The following USH2A variants were observed in gnomAD, a reference collection of about 807,000 sequenced individuals.
USH2A encodes usherin, also known as Usher syndrome 2A (autosomal recessive, mild).
A neutral mutation model predicts 538.9 loss-of-function variants in USH2A; 443 were observed. That is an observed-to-expected ratio of 0.82 (90% CI 0.76 to 0.89). USH2A has a LOEUF of 0.89. USH2A is among the 40% of genes least tolerant of loss of function. USH2A has a pLI of 0.00. For missense variants in USH2A, 6,633 were observed against 6,324.8 expected (o/e 1.05, Z -1.65); for synonymous variants, 2,413 against 2,273.5 (o/e 1.06, Z -1.75).
intron 12 of USH2A, among the ~76,000 whole-genome samples, chr1:216,249,172 A>G (rs919009243): frequency 6.6e-6 from 1 of 152,072 alleles, no homozygotes; most frequent in Non-Finnish European, 1.5e-5. Flanking sequence ...GTTTTTATAA[A>G]AAGTACTACA....
At chr1:216,012,836 G>T (rs893002338) in intron 32 of USH2A, among the ~76,000 whole-genome samples, 4 of 152,134 alleles carry the variant, frequency 2.6e-5, no homozygotes, top group African/African-American at 9.6e-5. Context: ...CTTTTTATTA[G>T]GCCCCAGTCT....
chr1:215,773,484 G>GTCTCTGTC (rs1661351824), intron 55 of USH2A, among the ~76,000 whole-genome samples: 1 of 112,222 alleles, frequency 8.9e-6, no homozygotes, highest in African/African-American at 4.5e-5. Context: ...ATGTCTCTCT[G>GTCTCTGTC]TCTCTCTGTC....
At chr1:216,027,519 G>A (rs991988548) in intron 32 of USH2A, among the ~76,000 whole-genome samples, 4 of 152,078 alleles carry the variant, frequency 2.6e-5, no homozygotes, top group Non-Finnish European at 4.4e-5. Context: ...TTTCAGGTCC[G>A]TAGTTAATTA....
chr1:215,794,732 C>T lies in USH2A; in HGVS notation c.9958+4175G>A, dbSNP rs59434539. Reference sequence around the variant, plus strand: ...AGAAACTCTAGAGCTTATCTTGATTCGCAAGAGTTGAGGGCTGTCACCATT... The same window carrying T: ...AGAAACTCTAGAGCTTATCTTGATTTGCAAGAGTTGAGGGCTGTCACCATT... On this transcript the variant is annotated intron_variant, in intron 50 of 71. Transcript: ENST00000307340. 0.03 allele frequency among the ~76,000 whole-genome samples: 4,495 copies of T among 152,154 alleles called. 228 individuals are homozygous for T. Among genetic ancestry groups the T allele is most frequent in the African/African-American group, 0.1 (4,250 of 41,482 alleles).
chr1:215,691,183 G>C (rs138259243), intron 61 of USH2A, among the ~76,000 whole-genome samples: 2 of 149,530 alleles, frequency 1.3e-5, no homozygotes, highest in African/African-American at 4.8e-5. Flanking sequence ...TGCCCAGCCA[G>C]TTAGCCTATT....
chr1:215,974,867 C>T (rs1667585427), intron 35 of USH2A, among the ~76,000 whole-genome samples: 1 of 152,090 alleles, frequency 6.6e-6, no homozygotes, highest in African/African-American at 2.4e-5. Flanking sequence ...TAATGGGTTG[C>T]TGGGTCAAAT....
In USH2A at chr1:215,934,745, C is replaced by T. The variant is rs1238777269; in HGVS notation, c.7171G>A (p.Glu2391Lys). 1 of 1,612,680 alleles carries T rather than the reference C, an allele frequency of 6.2e-7. No individual in the cohort carries two copies. Among genetic ancestry groups the T allele is most frequent in the African/African-American group, 1.3e-5 (1 of 74,836 alleles). ...ATGAGCACCCAAAGGTTTGTCTCTT[C>T]TCCGCTGTACATGACTTTTGTGACA... is the stretch of plus-strand genomic sequence containing the variant. Reference protein sequence around the residue: ...LNVTKVMYSGEETNLWVLIDG... With the variant: ...LNVTKVMYSGKETNLWVLIDG... The change falls in exon 38 of 72, where the codon GAA (glutamate) becomes AAA (lysine). Residue 2391 changes from glutamate (E) to lysine (K), a missense_variant. By Grantham distance (56) the Glu-to-Lys change is moderately conservative. Coordinates refer to ENST00000307340, the MANE Select transcript of USH2A (RefSeq NM_206933.4).
chr1:216,314,124 ATAT>A (rs1383599109), intron 9 of USH2A, among the ~76,000 whole-genome samples: 2 of 152,024 alleles, frequency 1.3e-5, no homozygotes, highest in Non-Finnish European at 2.9e-5. Context: ...ATCCCTTCAA[ATAT>A]TATCTTTTCT....
chr1:215,873,557 T>C (rs2102446580), intron 43 of USH2A, among the ~76,000 whole-genome samples: 1 of 152,306 alleles, frequency 6.6e-6, no homozygotes, highest in East Asian at 1.9e-4. Flanking sequence ...AGAAATGGCA[T>C]CCTCTTTTAG....
chr1:215,961,499 G>A (rs996092025), intron 37 of USH2A, among the ~76,000 whole-genome samples: 3 of 151,292 alleles, frequency 2.0e-5, no homozygotes, highest in African/African-American at 7.3e-5. Context: ...TATAAAAACA[G>A]CATCAGGACT....
At chr1:216,360,329 C>T (rs1286283348) in intron 4 of USH2A, among the ~76,000 whole-genome samples, 1 of 151,806 alleles carries the variant, frequency 6.6e-6, no homozygotes, top group African/African-American at 2.4e-5. Context: ...TTTTTTATCC[C>T]AACTATATGA....
chr1:215,895,317 G>T (rs779337031), intron 40 of USH2A, among the ~76,000 whole-genome samples: 1 of 152,154 alleles, frequency 6.6e-6, no homozygotes, highest in South Asian at 2.1e-4. Flanking sequence ...AGTTGAGACA[G>T]ATCCCTAGGT....
chr1:216,304,714 C>T (rs1429161836), intron 9 of USH2A, among the ~76,000 whole-genome samples: 1 of 151,958 alleles, frequency 6.6e-6, no homozygotes, highest in Non-Finnish European at 1.5e-5. Context: ...GGTTGTGTCA[C>T]TATATCAAAC....
rs768532540 is a variant in USH2A, at chr1:216,327,573, A to G, written c.848+18T>C. The G allele has an allele frequency of 1.9e-6, 3 of 1,612,908 alleles. No homozygotes were observed. The highest frequency in any genetic ancestry group is 1.7e-4 in the Middle Eastern group (1 of 6,048). ...TATCCTTTCGGTTCTTGAGGTTTAC[A>G]ATGCAACATCTGCTTACCTGTTTGT... On this transcript the variant is annotated intron_variant, in intron 5 of 71. Transcript: ENST00000307340.
intron 26 of USH2A, chr1:216,079,001 A>C (rs1320091040): frequency 6.6e-6 from 1 of 152,132 alleles, no homozygotes; most frequent in South Asian, 2.1e-4. Context: ...CATAGTAAAA[A>C]ATAAGTTCAT....
At chr1:215,689,941 C>CT (rs1317863660) in intron 61 of USH2A, among the ~76,000 whole-genome samples, 1 of 152,154 alleles carries the variant, frequency 6.6e-6, no homozygotes, top group African/African-American at 2.4e-5. Context: ...TTTTAAGCTA[C>CT]TAAGTTTGTT....
intron 44 of USH2A, among the ~76,000 whole-genome samples, chr1:215,854,514 C>T (rs1211803833): frequency 1.3e-5 from 2 of 152,176 alleles, no homozygotes; most frequent in Non-Finnish European, 2.9e-5. Flanking sequence ...TTCATCATCT[C>T]ATGCCAGGGA....
At chr1:215,670,246 C>T (rs1010335128) in intron 64 of USH2A, among the ~76,000 whole-genome samples, 11 of 152,232 alleles carry the variant, frequency 7.2e-5, no homozygotes, top group African/African-American at 2.2e-4. Flanking sequence ...GCTCATGTGC[C>T]CACCACTTGG....
chr1:215,958,276 GA>G (rs1277314711), intron 37 of USH2A, among the ~76,000 whole-genome samples: 1 of 152,030 alleles, frequency 6.6e-6, no homozygotes, highest in African/African-American at 2.4e-5. Flanking sequence ...GGTTTTTCAA[GA>G]TTTTTTAGAG....
Sources: allele counts gnomAD v4.1 joint callset (sites outside exome capture counted in the v4.1 genomes callset), GRCh38; gene constraint gnomAD v4.1.1; transcripts MANE v1.5; gene names NCBI Gene and HGNC (gene_info 2026-07-23, HGNC 2026-07-21).